Variants in NRG1 observed in about 807,000 individuals in gnomAD.
NRG1 encodes neuregulin 1.
Under a neutral mutation model 63.8 loss-of-function variants are expected in NRG1, and 18 were observed. That is an observed-to-expected ratio of 0.28 (90% confidence interval 0.19 to 0.42). The LOEUF (loss-of-function observed/expected upper bound fraction) is 0.42. Among genes scored for constraint, NRG1 ranks in the 10% least tolerant of loss-of-function variants. The pLI, the probability that NRG1 is intolerant of heterozygous loss-of-function variation, is 1.00. For synonymous variants in NRG1, 302 were observed against 301.3 expected, an observed-to-expected ratio of 1.00 and a Z score of -0.02; for missense variants, 762 against 814.7, an observed-to-expected ratio of 0.94 and a Z score of 0.79.
chr8:31,650,627 A>T (rs1804742296), intron 1 of NRG1, among the ~76,000 whole-genome samples: 1 of 152,336 alleles, frequency 6.6e-6, no homozygotes, highest in Admixed American at 6.5e-5. Context: ...CTAGAATTTG[A>T]ACACAGAGCT....
chr8:32,576,718 T>C (rs539726274), intron 1 of NRG1, among the ~76,000 whole-genome samples: 98 of 152,208 alleles, frequency 6.4e-4, no homozygotes, highest in African/African-American at 2.3e-3. Flanking sequence ...CCTGCGATGC[T>C]TTTGTTTAAA....
At chr8:32,157,123 C>T (rs1352554967) in intron 1 of NRG1, among the ~76,000 whole-genome samples, 1 of 150,598 alleles carries the variant, frequency 6.6e-6, no homozygotes, top group Non-Finnish European at 1.5e-5. Flanking sequence ...GTAATCCCAG[C>T]ACTTTGGGAA....
chr8:32,071,695 T>G (rs1012456598), intron 1 of NRG1, among the ~76,000 whole-genome samples: 2 of 152,150 alleles, frequency 1.3e-5, no homozygotes, highest in African/African-American at 4.8e-5. Flanking sequence ...CTACCTGCAG[T>G]GAGAAAGAAT....
intron 1 of NRG1, among the ~76,000 whole-genome samples, chr8:32,060,874 AC>A (rs1045714078): frequency 6.6e-6 from 1 of 151,944 alleles, no homozygotes; most frequent in Non-Finnish European, 1.5e-5. Context: ...CACAATTATG[AC>A]CACATAACTA....
intron 1 of NRG1, among the ~76,000 whole-genome samples, chr8:31,936,391 AACC>A (rs1835303790): frequency 6.6e-6 from 1 of 152,178 alleles, no homozygotes; most frequent in African/African-American, 2.4e-5. Context: ...AATCAGATAT[AACC>A]TTTCCATTTT....
intron 5 of NRG1, among the ~76,000 whole-genome samples, chr8:32,623,598 G>T (rs978279470): frequency 5.3e-5 from 8 of 152,088 alleles, no homozygotes; most frequent in African/African-American, 1.9e-4. Flanking sequence ...TCATCTTTTT[G>T]GTTGGCTGGA....
At chr8:32,019,356 C>T (rs1450841957) in intron 1 of NRG1, among the ~76,000 whole-genome samples, 7 of 152,320 alleles carry the variant, frequency 4.6e-5, no homozygotes, top group Admixed American at 4.6e-4. Context: ...CCTTGGCCTC[C>T]CAAACAGCAG....
At chr8:32,083,381 A>G (rs1827770268) in intron 1 of NRG1, among the ~76,000 whole-genome samples, 1 of 152,210 alleles carries the variant, frequency 6.6e-6, no homozygotes, top group African/African-American at 2.4e-5. Context: ...TTAAAGGCCA[A>G]AGAGTTAGAG....
In NRG1 at chr8:32,215,037, C is replaced by T. The variant is rs550575718; in HGVS notation, c.38-380791C>T. Among the ~76,000 whole-genome samples the T allele has an allele frequency of 6.6e-5, 10 of 152,238 alleles. No homozygotes were observed. In the East Asian group the frequency reaches 1.7e-3, roughly 26 times the overall value. ...GGGTTGCCTGAGGAAATGGGGGACA[C>T]CCAGTCAAATTGGAATTTCAGATAA... is the stretch of plus-strand genomic sequence containing the variant. On this transcript the variant is annotated intron_variant, in intron 1 of 10. Coordinates refer to the NRG1 transcript ENST00000519301.
At chr8:32,108,479 G>A (rs924386265) in intron 1 of NRG1, among the ~76,000 whole-genome samples, 8 of 152,160 alleles carry the variant, frequency 5.3e-5, no homozygotes, top group African/African-American at 7.2e-5. Context: ...AATCGCATTC[G>A]TGAGGGAGCA....
chr8:32,063,062 T>A (rs934743477), intron 1 of NRG1: 9 of 152,142 alleles, frequency 5.9e-5, no homozygotes, highest in African/African-American at 2.2e-4. Flanking sequence ...GATGTAAATG[T>A]TCCTTAATTA....
intron 7 of NRG1, among the ~76,000 whole-genome samples, chr8:32,773,583 GGT>G (rs1193392777): frequency 5.3e-5 from 8 of 152,158 alleles, no homozygotes; most frequent in African/African-American, 1.9e-4. Flanking sequence ...ACCACTGACA[GGT>G]CACACAAGTC....
At chr8:31,757,445 A>G (rs1377313537) in intron 1 of NRG1, among the ~76,000 whole-genome samples, 1 of 152,172 alleles carries the variant, frequency 6.6e-6, no homozygotes, top group Non-Finnish European at 1.5e-5. Flanking sequence ...CATTAGTTTT[A>G]CATTTCACTG....
intron 1 of NRG1, among the ~76,000 whole-genome samples, chr8:31,947,306 C>CAAAAAAAA (rs61713691): frequency 2.2e-4 from 29 of 132,686 alleles, no homozygotes; most frequent in African/African-American, 8.7e-4. Context: ...GACTCCGTCT[C>CAAAAAAAA]AAAAAAAAAA....
chr8:32,028,475 C>T (rs1194053192), intron 1 of NRG1, among the ~76,000 whole-genome samples: 1 of 152,144 alleles, frequency 6.6e-6, no homozygotes, highest in Non-Finnish European at 1.5e-5. Context: ...TGATTTTGGA[C>T]TTAGTTTCCT....
chr8:32,018,798 AGCTT>A (rs1378675258), intron 1 of NRG1, among the ~76,000 whole-genome samples: 1 of 152,230 alleles, frequency 6.6e-6, no homozygotes, highest in Non-Finnish European at 1.5e-5. Flanking sequence ...ATGTATATTT[AGCTT>A]TAATTGATAC....
chr8:31,770,649 G>A (rs1193857791), intron 1 of NRG1, among the ~76,000 whole-genome samples: 1 of 151,726 alleles, frequency 6.6e-6, no homozygotes, highest in African/African-American at 2.4e-5. Context: ...GATAGCATTA[G>A]GAGATATACC....
rs563717375 is a variant in NRG1 at position 31,789,619 on chromosome 8, G to C, written c.37+150188G>C. 9.8e-5 allele frequency among the ~76,000 whole-genome samples: 15 copies of C among 152,316 alleles called. 1 individual carries two copies. In the South Asian group the frequency reaches 3.1e-3, roughly 32 times the overall value. On this transcript the variant is annotated intron_variant, in intron 1 of 10. Transcript: ENST00000519301. The stretch of plus-strand genomic sequence containing the variant: ...GTTGAGCCCCGAGTAAGTGAGGAAA[G>C]TTGTGCAAGTTTGTAACTTCAGTGT...
chr8:32,206,058 C>T (rs1229986773), intron 1 of NRG1, among the ~76,000 whole-genome samples: 1 of 152,082 alleles, frequency 6.6e-6, no homozygotes, highest in African/African-American at 2.4e-5. Context: ...GAGCTATGAT[C>T]ATGCCACTGC....
Sources: allele counts gnomAD v4.1 joint callset (sites outside exome capture counted in the v4.1 genomes callset), GRCh38; gene constraint gnomAD v4.1.1; transcripts MANE v1.5; gene names NCBI Gene and HGNC (gene_info 2026-07-23, HGNC 2026-07-21).